Variants in AFDN observed in about 807,000 individuals in gnomAD.
AFDN encodes afadin.
A neutral mutation model predicts 216.6 loss-of-function variants in AFDN; 68 were observed. The observed-to-expected ratio is 0.31, with a 90% CI of 0.26 to 0.38. AFDN has a LOEUF of 0.38. AFDN is among the 10% of genes least tolerant of loss of function. The probability of loss-of-function intolerance (pLI) is 1.00; values close to 1 mark genes in which losing one functional copy is unlikely to be tolerated. For synonymous variants in AFDN, 868 were observed against 853.7 expected (o/e 1.02, Z -0.29); for missense variants, 2,136 against 2,342.0 (o/e 0.91, Z 1.82).
chr6:167,875,219 A>G, intron 4 of AFDN, 116 bp from the exon 5 acceptor site: 1 of 849,864 alleles, frequency 1.2e-6, no homozygotes, highest in South Asian at 1.7e-5. Context: ...CAGACCTCTT[A>G]GGTACAGATG....
intron 18 of AFDN, among the ~76,000 whole-genome samples, chr6:167,914,941 TTA>T (rs2128469415): frequency 6.6e-6 from 1 of 152,354 alleles, no homozygotes; most frequent in Non-Finnish European, 1.5e-5. Context: ...GCCATACTCT[TTA>T]AAAAGTCTCT....
chr6:167,922,911 T>C lies in AFDN; in HGVS notation c.2964T>C (p.Phe988=), dbSNP rs1170949481. The C allele has an allele frequency of 6.2e-7, 1 of 1,613,374 alleles. No homozygotes were observed. The highest frequency in any genetic ancestry group is 1.7e-5 in the Admixed American group (1 of 59,872). Reference sequence around the variant, plus strand: ...CACCAGGTACTTGGACAATATATTTTGAAGGTGCAGATTATGAAAGTCACC... The same window carrying C: ...CACCAGGTACTTGGACAATATATTTCGAAGGTGCAGATTATGAAAGTCACC... ...TRSPGTWTIY[F]EGADYESHLL... is the part of the protein sequence containing the mutation. Residue 988 remains phenylalanine (F), a synonymous_variant, in exon 22 of 34, where the codon TTT becomes TTC. Transcript: ENST00000683244.
chr6:167,924,244 A>C (rs1792203371), intron 22 of AFDN, among the ~76,000 whole-genome samples: 1 of 152,156 alleles, frequency 6.6e-6, no homozygotes, highest in Non-Finnish European at 1.5e-5. Context: ...TATATATTTA[A>C]TTACTTAAGT....
chr6:167,874,657 C>T (rs1785149570), intron 4 of AFDN, among the ~76,000 whole-genome samples: 1 of 147,390 alleles, frequency 6.8e-6, no homozygotes. Flanking sequence ...CTCTTGTTGC[C>T]CAGGCTGGAA....
intron 1 of AFDN, among the ~76,000 whole-genome samples, chr6:167,852,747 T>A (rs550886201): frequency 6.6e-6 from 1 of 152,242 alleles, no homozygotes; most frequent in African/African-American, 2.4e-5. Context: ...GTGCTAACAT[T>A]GATTTTGTTT....
At chr6:167,827,312 G>GCCCGCCAGCCGCGGA in intron 1 of AFDN, 75 bp downstream of exon 1, 1 of 491,534 alleles carries the variant, frequency 2.0e-6, no homozygotes, top group East Asian at 2.4e-4. Flanking sequence ...CCCCGCCGCC[G>GCCCGCCAGCCGCGGA]CCCGCCAGCC....
intron 1 of AFDN, among the ~76,000 whole-genome samples, chr6:167,844,426 A>C (rs1781412060): frequency 6.6e-6 from 1 of 152,218 alleles, no homozygotes; most frequent in African/African-American, 2.4e-5. Flanking sequence ...TATTTCTATA[A>C]AACAAAAGTA....
intron 10 of AFDN, among the ~76,000 whole-genome samples, chr6:167,897,621 T>C (rs1454816522): frequency 1.3e-5 from 2 of 150,438 alleles, no homozygotes; most frequent in Non-Finnish European, 3.0e-5. Context: ...CTAACAAATA[T>C]TGGTTAAGAT....
chr6:167,837,809 A>G (rs1780611437), intron 1 of AFDN, among the ~76,000 whole-genome samples: 1 of 152,198 alleles, frequency 6.6e-6, no homozygotes, highest in Non-Finnish European at 1.5e-5. Flanking sequence ...TATGTTTGTA[A>G]AATCCAAAAA....
intron 1 of AFDN, among the ~76,000 whole-genome samples, chr6:167,834,830 A>C (rs1238587959): frequency 6.6e-6 from 1 of 152,038 alleles, no homozygotes; most frequent in Non-Finnish European, 1.5e-5. Flanking sequence ...AATTTAAAAA[A>C]AAATTAACAA....
At chr6:167,948,556 T>G in intron 29 of AFDN, 78 bp downstream of exon 29, 2 of 1,387,360 alleles carry the variant, frequency 1.4e-6, no homozygotes, top group Middle Eastern at 2.3e-4. Flanking sequence ...AATTAATATT[T>G]TCTATAGAAC....
rs367607291 is a variant in AFDN, at chr6:167,907,274, G to T, written c.1754G>T (p.Arg585Leu). 3 of 1,613,748 alleles carry T rather than the reference G, an allele frequency of 1.9e-6. No individual in the cohort carries two copies. In the South Asian group the frequency reaches 3.3e-5, roughly 18 times the overall value. ...AGAGTAGAACAGCAGCCAGATTATCGCAGGCAAGAAAGCAGGTAGGAAACA... is the reference window on the plus strand; with the variant it reads ...AGAGTAGAACAGCAGCCAGATTATCTCAGGCAAGAAAGCAGGTAGGAAACA... ...MIRVEQQPDYRRQESRTQDAS... is the reference protein window; with the variant it reads ...MIRVEQQPDYLRQESRTQDAS... Residue 585 changes from arginine (R) to leucine (L), a missense_variant, in exon 13 of 34, where the codon CGC becomes CTC. Arg to Leu is a moderately radical substitution (Grantham distance 102). Transcript: ENST00000683244.
At chr6:167,946,562 T>A in intron 26 of AFDN, 145 bp from the exon 27 acceptor site, 1 of 626,826 alleles carries the variant, frequency 1.6e-6, no homozygotes, top group Non-Finnish European at 2.6e-6. Flanking sequence ...GTATATTTAC[T>A]TAAAAGCTGT....
rs377136319 is a variant in AFDN, at chr6:167,945,569, C to T, written c.3359-1138C>T. On this transcript the variant is annotated intron_variant, in intron 26 of 33. Transcript: ENST00000683244. Reference sequence around the variant, plus strand: ...ATACAGCTAGCAGTGCAGTCTGGCACGACCACAAACACGAGGAATCATTGT... The same window carrying T: ...ATACAGCTAGCAGTGCAGTCTGGCATGACCACAAACACGAGGAATCATTGT... Among the ~76,000 whole-genome samples the T allele has an allele frequency of 7.8e-4, 119 of 152,274 alleles. No individual in the cohort carries two copies. The Middle Eastern group carries it at 0.01, about 13-fold the overall frequency.
At chr6:167,963,464 A>G in intron 31 of AFDN, 1 of 1,053,358 alleles carries the variant, frequency 9.5e-7, no homozygotes, top group South Asian at 4.6e-5. Context: ...CTAGTGAACT[A>G]TATTAATAGA....
intron 22 of AFDN, among the ~76,000 whole-genome samples, chr6:167,924,044 C>T (rs1048381537): frequency 6.6e-6 from 1 of 151,952 alleles, no homozygotes; most frequent in Admixed American, 6.6e-5. Flanking sequence ...TCACTCATTC[C>T]TCGTCTTTTT....
In AFDN at chr6:167,947,904, C is replaced by T. The variant is rs765437330; in HGVS notation, c.3605C>T (p.Ala1202Val). ...AGTGCATATGCCTCTGGAACAACAG[C>T]GAAGATAACATCTGTCTCTACTGGA... ...GKSAYASGTT[A>V]KITSVSTGNL... The change falls in exon 28 of 34, where the codon GCG (alanine) becomes GTG (valine). Residue 1202 changes from alanine (A) to valine (V), a missense_variant. Transcript: ENST00000683244. 1.1e-5 allele frequency: 17 copies of T among 1,613,718 alleles called. No individual in the cohort carries two copies. The highest frequency in any genetic ancestry group is 1.0e-4 in the Admixed American group (6 of 59,994).
rs1379021599 is a variant in AFDN at position 167,907,283 on chromosome 6, A to G, written c.1763A>G (p.Glu588Gly). Reference sequence around the variant, plus strand: ...CAGCAGCCAGATTATCGCAGGCAAGAAAGCAGGTAGGAAACACATCATTTT... The same window carrying G: ...CAGCAGCCAGATTATCGCAGGCAAGGAAGCAGGTAGGAAACACATCATTTT... Reference protein sequence around the residue: ...VEQQPDYRRQESRTQDASGPE... With the variant: ...VEQQPDYRRQGSRTQDASGPE... Residue 588 changes from glutamate (E) to glycine (G), a missense_variant, in exon 13 of 34, where the codon GAA becomes GGA. Glu to Gly is a moderately conservative substitution (Grantham distance 98). This residue lies in a region of AFDN where 817 missense variants were observed against 965.7 expected (regional missense o/e 0.85). Transcript: ENST00000683244. 9.3e-6 allele frequency: 15 copies of G among 1,612,776 alleles called. No individual in the cohort carries two copies. The East Asian group carries it at 3.3e-4, about 36-fold the overall frequency.
At chr6:167,892,618 G>A (rs1787751332) in intron 8 of AFDN, among the ~76,000 whole-genome samples, 3 of 152,130 alleles carry the variant, frequency 2.0e-5, no homozygotes, top group African/African-American at 7.2e-5. Flanking sequence ...GACAGGATGA[G>A]GATTCATTCA....
Sources: allele counts gnomAD v4.1 joint callset (sites outside exome capture counted in the v4.1 genomes callset), GRCh38; gene constraint gnomAD v4.1.1; regional missense constraint gnomAD v4.1.1; transcripts MANE v1.5; gene names NCBI Gene and HGNC (gene_info 2026-07-23, HGNC 2026-07-21).